The following KDM4C variants were observed in gnomAD, a reference collection of about 807,000 sequenced individuals.
The protein encoded by KDM4C is lysine demethylase 4C.
A neutral mutation model predicts 129.3 loss-of-function variants in KDM4C; 81 were observed. The observed-to-expected ratio is 0.63, with a 90% confidence interval of 0.52 to 0.75. The LOEUF (loss-of-function observed/expected upper bound fraction) is 0.75. KDM4C is among the 30% of genes least tolerant of loss of function. The pLI is 0.00. For missense variants in KDM4C, 1,457 were observed against 1,304.0 expected, an observed-to-expected ratio of 1.12 and a Z score of -1.81; for synonymous variants, 573 against 456.1, an observed-to-expected ratio of 1.26 and a Z score of -3.26.
chr9:7,082,857 CA>C lies in KDM4C; in HGVS notation c.2425-20819del, dbSNP rs200607200. 4.4e-4 allele frequency among the ~76,000 whole-genome samples: 66 copies of C among 150,052 alleles called. No individual in the cohort carries two copies. In the East Asian group the frequency reaches 6.4e-3, roughly 15 times the overall value. On this transcript the variant is annotated intron_variant, in intron 17 of 21. Transcript: ENST00000381309. The stretch of plus-strand genomic sequence containing the variant: ...GTAGAATTAATAATCAAGTTGTATG[CA>C]AAAAAAAATTGTCAGATTTAGGAGA...
intron 8 of KDM4C, chr9:6,925,757 A>G (rs1396488031): frequency 2.1e-6 from 1 of 483,736 alleles, no homozygotes; most frequent in Non-Finnish European, 2.7e-6. Flanking sequence ...TAAACTTTTT[A>G]ATTGAGATTC....
intron 5 of KDM4C, among the ~76,000 whole-genome samples, chr9:6,851,720 A>G (rs1001519029): frequency 1.3e-5 from 2 of 152,176 alleles, no homozygotes; most frequent in Admixed American, 6.5e-5. Context: ...CTAATTAAGA[A>G]AGATGGCTGT....
At position 7,128,358 on chromosome 9, in the gene KDM4C, CT is replaced by C. The variant is rs1840249017; in HGVS notation, c.2781+125del. 2.1e-5 allele frequency: 13 copies of C among 623,962 alleles called. No homozygotes were observed. The East Asian group carries it at 4.3e-4, about 21-fold the overall frequency. 38.7% of individuals were successfully genotyped at this position (623,962 alleles called of 1,614,324 possible). On this transcript the variant is annotated intron_variant, in intron 19 of 21. Transcript: ENST00000381309. ...GTAGCTCATTCACTTGGTTCATAGA[CT>C]TTATCATTCTAAATAATATCCAGGT... is the stretch of plus-strand genomic sequence containing the variant.
chr9:7,019,940 C>G (rs564115000), intron 15 of KDM4C, among the ~76,000 whole-genome samples: 1 of 151,640 alleles, frequency 6.6e-6, no homozygotes, highest in Admixed American at 6.6e-5. Context: ...CATAGATCAG[C>G]TCTCTTTTTA....
chr9:6,941,642 A>G (rs901861281), intron 8 of KDM4C: 2 of 152,194 alleles, frequency 1.3e-5, no homozygotes, highest in Admixed American at 6.5e-5. Flanking sequence ...AATGGATGAG[A>G]TGCTTAATGT....
chr9:6,751,919 A>T (rs1234168881), intron 1 of KDM4C, among the ~76,000 whole-genome samples: 4 of 152,200 alleles, frequency 2.6e-5, no homozygotes, highest in Admixed American at 1.3e-4. Flanking sequence ...AGAATGTGAA[A>T]ATATCTTACA....
chr9:7,108,106 T>G (rs1587681774), intron 18 of KDM4C, among the ~76,000 whole-genome samples: 1 of 152,186 alleles, frequency 6.6e-6, no homozygotes, highest in African/African-American at 2.4e-5. Context: ...GGCTTCTGTT[T>G]TGGCAGCTCC....
intron 1 of KDM4C, among the ~76,000 whole-genome samples, chr9:6,789,139 C>T (rs1298858602): frequency 2.0e-5 from 3 of 151,580 alleles, no homozygotes; most frequent in African/African-American, 7.3e-5. Context: ...ACCCTCTGCC[C>T]CCCGGGGTGG....
chr9:6,924,381 C>T (rs1014048261), intron 8 of KDM4C, among the ~76,000 whole-genome samples: 1 of 152,190 alleles, frequency 6.6e-6, no homozygotes, highest in African/African-American at 2.4e-5. Flanking sequence ...GGCCCCCTTT[C>T]CCTCTGGCTT....
rs572822823 is a variant in KDM4C, at chr9:7,023,846, T to G, written c.2259+7917T>G. On this transcript the variant is annotated intron_variant, in intron 15 of 21. Transcript: ENST00000381309. ...GTGTTGTGTTTCTGTTATCATTTGT[T>G]TCAAGAAATGTTTCAATTTCCTTCT... 2.6e-5 allele frequency among the ~76,000 whole-genome samples: 4 copies of G among 152,324 alleles called. No individual in the cohort carries two copies. In the South Asian group the frequency reaches 8.3e-4, roughly 32 times the overall value.
intron 17 of KDM4C, among the ~76,000 whole-genome samples, chr9:7,092,176 C>A (rs1187258646): frequency 6.6e-6 from 1 of 152,100 alleles, no homozygotes; most frequent in Non-Finnish European, 1.5e-5. Flanking sequence ...GTTTGTGATG[C>A]CTCTTTTTGT....
intron 4 of KDM4C, among the ~76,000 whole-genome samples, chr9:6,819,339 A>G (rs910862622): frequency 2.6e-5 from 4 of 152,248 alleles, no homozygotes; most frequent in Admixed American, 6.5e-5. Context: ...TCAAGGGAAC[A>G]TTGACTTTAG....
At chr9:7,058,438 C>T (rs987113606) in intron 17 of KDM4C, among the ~76,000 whole-genome samples, 54 of 152,202 alleles carry the variant, frequency 3.5e-4, no homozygotes, top group African/African-American at 1.3e-3. Flanking sequence ...GAAATATTCT[C>T]ACCGTGTCCA....
chr9:6,934,847 G>A (rs114873576), intron 8 of KDM4C, among the ~76,000 whole-genome samples: 2,371 of 151,692 alleles, frequency 0.016, 62 homozygotes, highest in African/African-American at 0.055. Flanking sequence ...CCAAGATGAG[G>A]CAAAGTTGTT....
chr9:6,862,668 G>A (rs1178736864), intron 5 of KDM4C, among the ~76,000 whole-genome samples: 1 of 152,122 alleles, frequency 6.6e-6, no homozygotes, highest in Non-Finnish European at 1.5e-5. Flanking sequence ...TTAGCCAGGT[G>A]TGGAGGCACG....
At chr9:6,934,477 C>CA (rs79283241) in intron 8 of KDM4C, among the ~76,000 whole-genome samples, 1,409 of 130,456 alleles carry the variant, frequency 0.011, 12 homozygotes, top group African/African-American at 0.032. Flanking sequence ...AAGACCCCGC[C>CA]AAAAAAAAAA....
chr9:6,927,071 A>T (rs1230559484), intron 8 of KDM4C, among the ~76,000 whole-genome samples: 1 of 150,726 alleles, frequency 6.6e-6, no homozygotes, highest in East Asian at 2.0e-4. Context: ...CTTAGATTCT[A>T]TCCTTTCAAA....
chr9:7,124,204 C>G (rs895711843), intron 18 of KDM4C, among the ~76,000 whole-genome samples: 2 of 152,220 alleles, frequency 1.3e-5, no homozygotes, highest in Non-Finnish European at 2.9e-5. Flanking sequence ...AATCCCCACA[C>G]ATTGTCCCCT....
Position 6,758,025 on chromosome 9 carries a change from G to A in KDM4C, c.-196G>A, listed in dbSNP as rs1818582967. On this transcript the variant is annotated 5_prime_UTR_variant, in exon 1 of 22. Transcript: ENST00000381309. The surrounding 1 kb of genome is among the most constrained non-coding windows in gnomAD (Gnocchi z 4.6). ...GCTGCCTCCCACCCACCCCCTCGAC[G>A]GGAGGGTGAGGCGCGGCGCAGTGAT... is the stretch of plus-strand genomic sequence containing the variant. The A allele has an allele frequency of 1.0e-6, 1 of 985,460 alleles. No homozygotes were observed. Among genetic ancestry groups the A allele is most frequent in the South Asian group, 4.7e-5 (1 of 21,290 alleles). 61.0% of individuals were successfully genotyped at this position (985,460 alleles called of 1,614,324 possible).
Sources: allele counts gnomAD v4.1 joint callset (sites outside exome capture counted in the v4.1 genomes callset), GRCh38; gene constraint gnomAD v4.1.1; non-coding constraint Gnocchi (gnomAD v3.1); transcripts MANE v1.5; gene names NCBI Gene and HGNC (gene_info 2026-07-23, HGNC 2026-07-21).